DLG2: variants seen among roughly 807,000 people sequenced by gnomAD.
DLG2 encodes disks large homolog 2.
DLG2 carries 45 observed loss-of-function variants against 132.5 expected under a neutral mutation model. That is an observed-to-expected ratio of 0.34 (90% CI 0.27 to 0.44). DLG2 has a LOEUF of 0.44. DLG2 is among the 20% of genes least tolerant of loss of function. The pLI is 1.00. For missense variants in DLG2, 1,045 were observed against 1,196.9 expected (o/e 0.87, Z 1.87); for synonymous variants, 424 against 419.6 (o/e 1.01, Z -0.13).
At chr11:84,941,697 CTTTT>C (rs550984313) in intron 6 of DLG2, among the ~76,000 whole-genome samples, 1 of 141,576 alleles carries the variant, frequency 7.1e-6, no homozygotes, top group East Asian at 2.0e-4. Context: ...CTTTCTTTCT[CTTTT>C]TTTTTTTTTG....
intron 19 of DLG2, among the ~76,000 whole-genome samples, chr11:83,549,322 A>T (rs1032530136): frequency 2.6e-5 from 4 of 152,186 alleles, no homozygotes; most frequent in African/African-American, 9.6e-5. Context: ...CGGTTAAGTC[A>T]GTCCACTCTT....
intron 18 of DLG2, among the ~76,000 whole-genome samples, chr11:83,766,893 A>C (rs1264466155): frequency 6.6e-6 from 1 of 152,216 alleles, no homozygotes; most frequent in Non-Finnish European, 1.5e-5. Flanking sequence ...TGTCCACAGC[A>C]CTGCATTCCT....
rs1389870267 is a variant in DLG2 at position 85,576,171 on chromosome 11, T to C, written c.40+22486A>G. 2.0e-5 allele frequency among the ~76,000 whole-genome samples: 3 copies of C among 152,184 alleles called. No homozygotes were observed. In the East Asian group the frequency reaches 5.8e-4, roughly 29 times the overall value. ...AAAAGAGATCCATATTTTTATTCTGTCAAATTGTCATAGTATTGCAAATAT... is the reference window on the plus strand; with the variant it reads ...AAAAGAGATCCATATTTTTATTCTGCCAAATTGTCATAGTATTGCAAATAT... On this transcript the variant is annotated intron_variant, in intron 3 of 27. Transcript: ENST00000376104.
chr11:84,109,116 A>C (rs1291417237), intron 9 of DLG2, among the ~76,000 whole-genome samples: 1 of 148,940 alleles, frequency 6.7e-6, no homozygotes, highest in East Asian at 2.0e-4. Context: ...TTACATCGTC[A>C]AAAAAAAAAT....
intron 6 of DLG2, among the ~76,000 whole-genome samples, chr11:84,740,895 AGGTTCTGAGAAACAGCCTCAT>A (rs1211234563): frequency 1.3e-5 from 2 of 151,908 alleles, no homozygotes; most frequent in Admixed American, 6.6e-5. Context: ...GGCCATGCCC[AGGTTCTGAGAAACAGCCTCAT>A]GGTGCCCTCC....
intron 2 of DLG2, among the ~76,000 whole-genome samples, chr11:85,618,614 T>A (rs2081496883): frequency 6.6e-6 from 1 of 152,132 alleles, no homozygotes; most frequent in South Asian, 2.1e-4. Flanking sequence ...AAGGGACTAG[T>A]GGGGCAAGGG....
At position 84,637,372 on chromosome 11, in the gene DLG2, T is replaced by C. The variant is rs543892467; in HGVS notation, c.358-102641A>G. 3.8e-4 allele frequency among the ~76,000 whole-genome samples: 58 copies of C among 152,350 alleles called. No homozygotes were observed. The South Asian group carries it at 0.011, about 29-fold the overall frequency. On this transcript the variant is annotated intron_variant, in intron 6 of 27. Coordinates refer to ENST00000376104, the MANE Select transcript of DLG2 (RefSeq NM_001142699.3). ...TGTTTATATTGAACTGAATGTTTAA[T>C]TACCTAGCTCTGCTGCTAGACAGTG... is the stretch of plus-strand genomic sequence containing the variant.
At chr11:84,044,547 C>G (rs141495605) in intron 11 of DLG2, among the ~76,000 whole-genome samples, 159 of 151,754 alleles carry the variant, frequency 1.0e-3, no homozygotes, top group African/African-American at 3.6e-3. Flanking sequence ...GAAGAGATCT[C>G]GGTAGAGGCT....
At chr11:84,216,517 G>T (rs935181764) in intron 8 of DLG2, among the ~76,000 whole-genome samples, 5 of 152,080 alleles carry the variant, frequency 3.3e-5, no homozygotes, top group African/African-American at 1.2e-4. Flanking sequence ...ATTGTAAAAT[G>T]GACACATACT....
At chr11:84,826,164 C>T (rs1038210576) in intron 6 of DLG2, among the ~76,000 whole-genome samples, 1 of 151,758 alleles carries the variant, frequency 6.6e-6, no homozygotes, top group African/African-American at 2.4e-5. Flanking sequence ...AATACGGTAC[C>T]CATCACCTCA....
intron 3 of DLG2, among the ~76,000 whole-genome samples, chr11:85,401,818 C>G (rs1285111146): frequency 2.0e-5 from 3 of 151,858 alleles, no homozygotes; most frequent in Non-Finnish European, 2.9e-5. Flanking sequence ...AACTACAAAC[C>G]CACTTCTCAA....
At chr11:83,836,260 C>G (rs1487106289) in intron 16 of DLG2, among the ~76,000 whole-genome samples, 2 of 152,164 alleles carry the variant, frequency 1.3e-5, no homozygotes, top group Admixed American at 6.5e-5. Context: ...GCATGTTCAT[C>G]TCATCCAGAA....
chr11:83,547,336 A>G (rs2096266894), intron 19 of DLG2, among the ~76,000 whole-genome samples: 1 of 152,192 alleles, frequency 6.6e-6, no homozygotes, highest in Non-Finnish European at 1.5e-5. Context: ...GTTATCTTAT[A>G]TAGCAAAAGG....
intron 18 of DLG2, among the ~76,000 whole-genome samples, chr11:83,713,793 C>T (rs973059987): frequency 6.6e-6 from 1 of 152,194 alleles, no homozygotes; most frequent in Non-Finnish European, 1.5e-5. Flanking sequence ...GCACCTGCTT[C>T]GTCAACTGCT....
intron 6 of DLG2, among the ~76,000 whole-genome samples, chr11:85,032,762 G>A (rs1337534337): frequency 6.6e-6 from 1 of 152,144 alleles, no homozygotes; most frequent in Non-Finnish European, 1.5e-5. Context: ...AGAAAAACTG[G>A]ATGAAGACTA....
At chr11:84,693,010 T>G (rs1489296120) in intron 6 of DLG2, among the ~76,000 whole-genome samples, 2 of 151,686 alleles carry the variant, frequency 1.3e-5, no homozygotes, top group African/African-American at 4.8e-5. Flanking sequence ...TAACCCAAAC[T>G]GTTTGACCCA....
At chr11:84,891,724 T>C (rs962811473) in intron 6 of DLG2, among the ~76,000 whole-genome samples, 1 of 152,142 alleles carries the variant, frequency 6.6e-6, no homozygotes, top group African/African-American at 2.4e-5. Flanking sequence ...TTAAAATATA[T>C]TTTGGACCCA....
intron 17 of DLG2, among the ~76,000 whole-genome samples, chr11:83,820,606 T>C (rs1193073852): frequency 2.0e-5 from 3 of 152,132 alleles, no homozygotes; most frequent in Non-Finnish European, 4.4e-5. Context: ...GGCAAGAAAA[T>C]GGATGTTTCA....
At chr11:84,797,249 G>A (rs1041529693) in intron 6 of DLG2, among the ~76,000 whole-genome samples, 3 of 152,040 alleles carry the variant, frequency 2.0e-5, no homozygotes, top group Non-Finnish European at 4.4e-5. Flanking sequence ...AACCTTCTAG[G>A]ACTTGAATGT....
Sources: gnomAD v4.1 joint callset for allele counts (sites outside exome capture counted in the v4.1 genomes callset) on GRCh38, gnomAD v4.1.1 for gene constraint, MANE v1.5 for transcripts, NCBI Gene and HGNC (gene_info 2026-07-23, HGNC 2026-07-21) for gene names.